HERC1: variants seen among roughly 807,000 people sequenced by gnomAD.
HERC1 encodes HECT and RLD domain containing E3 ubiquitin protein ligase family member 1, also known as probable E3 ubiquitin-protein ligase HERC1.
Under a neutral mutation model 554.3 loss-of-function variants are expected in HERC1, and 160 were observed. The ratio of observed to expected loss-of-function variants is 0.29; its 90% confidence interval spans 0.25 to 0.33. The LOEUF (loss-of-function observed/expected upper bound fraction) is 0.33, where lower values mean the gene tolerates loss of function less well. HERC1 is among the 10% of genes least tolerant of loss of function. The pLI, the probability that HERC1 is intolerant of heterozygous loss-of-function variation, is 1.00. For missense variants in HERC1, 4,919 were observed against 5,918.5 expected, an observed-to-expected ratio of 0.83 and a Z score of 5.54; for synonymous variants, 2,175 against 2,131.7, an observed-to-expected ratio of 1.02 and a Z score of -0.56.
rs540803651 is a variant in HERC1 at position 63,670,242 on chromosome 15, G to A, written c.8046-544C>T. On this transcript the variant is annotated intron_variant, in intron 39 of 77. Coordinates refer to ENST00000443617, the MANE Select transcript of HERC1 (RefSeq NM_003922.4). Reference sequence around the variant, plus strand: ...TGAATGATATGTCAGCGGCACAGTCGGGGAAAGGTACGGGGAGGCAGCCCC... The same window carrying A: ...TGAATGATATGTCAGCGGCACAGTCAGGGAAAGGTACGGGGAGGCAGCCCC... Among the ~76,000 whole-genome samples, 188 of 152,272 alleles carry A rather than the reference G, an allele frequency of 1.2e-3. 1 individual carries two copies. Among genetic ancestry groups the A allele is most frequent in the African/African-American group, 4.4e-3 (183 of 41,542 alleles).
Position 63,729,331 on chromosome 15 carries a change from T to G in HERC1, c.3059A>C (p.Gln1020Pro), listed in dbSNP as rs1387411960. Residue 1020 changes from glutamine (Q) to proline (P), a missense_variant, in exon 16 of 78, where the codon CAG becomes CCG. Gln to Pro is a moderately conservative substitution (Grantham distance 76, BLOSUM62 -1). Around this residue, in one of 11 missense-constraint regions of HERC1, gnomAD observed 1,121 missense variants for 1,244.0 expected, o/e 0.90. Coordinates refer to ENST00000443617, the MANE Select transcript of HERC1 (RefSeq NM_003922.4). ...ATCTGTGGCATGAGGCAACAAAAGC[T>G]GAAGATGTTTATGAAGCAATGCCAC... Reference protein sequence around the residue: ...SSVALLHKHLQLLLPHATDIY... With the variant: ...SSVALLHKHLPLLLPHATDIY... 8 of 1,610,618 alleles carry G rather than the reference T, an allele frequency of 5.0e-6. No individual in the cohort carries two copies. In the East Asian group the frequency reaches 1.6e-4, roughly 31 times the overall value.
At chr15:63,704,769 C>T (rs1383477146) in intron 25 of HERC1, among the ~76,000 whole-genome samples, 2 of 136,238 alleles carry the variant, frequency 1.5e-5, no homozygotes, top group South Asian at 2.3e-4. Flanking sequence ...GATGGAGTCT[C>T]GCTCTGTCGC....
intron 1 of HERC1, among the ~76,000 whole-genome samples, chr15:63,829,246 T>C (rs2146068550): frequency 6.6e-6 from 1 of 151,514 alleles, no homozygotes; most frequent in East Asian, 1.9e-4. Flanking sequence ...CAGCAGGACC[T>C]CGTCTCTACT....
intron 1 of HERC1, among the ~76,000 whole-genome samples, chr15:63,786,917 A>ATTTTTTTTTT (rs1378851561): frequency 7.9e-6 from 1 of 126,978 alleles, no homozygotes. Context: ...TCAATAAATT[A>ATTTTTTTTTT]TTATTTTTTT....
chr15:63,797,496 C>T (rs1285837360), intron 1 of HERC1, among the ~76,000 whole-genome samples: 3 of 152,140 alleles, frequency 2.0e-5, no homozygotes, highest in Non-Finnish European at 4.4e-5. Flanking sequence ...CAGAGGCAGA[C>T]TCATCACACC....
At chr15:63,637,377 G>GC in intron 64 of HERC1, 128 bp downstream of exon 64, 1 of 764,100 alleles carries the variant, frequency 1.3e-6, no homozygotes, top group South Asian at 1.9e-5. Flanking sequence ...CCTAAATAAG[G>GC]ATTTAAATGT....
intron 12 of HERC1, among the ~76,000 whole-genome samples, chr15:63,737,377 TATATATATATATCGTTTTTCCAG>T (rs2074557224): frequency 8.0e-6 from 1 of 124,448 alleles, no homozygotes; most frequent in African/African-American, 3.1e-5. Flanking sequence ...TTTCCAGATA[TATATATATATATCGTTTTTCCAG>T]ATATATATAT....
Position 63,645,108 on chromosome 15 carries a change from T to C in HERC1, c.11079-11A>G, listed in dbSNP as rs556903539. ...CCACTCTGACAGCCACTTAAAAAAA[T>C]TGATCACATAAAACCAAAACATGTC... On this transcript the variant is annotated splice_polypyrimidine_tract_variant and intron_variant, in intron 56 of 77. Transcript: ENST00000443617. The C allele has an allele frequency of 3.1e-6, 5 of 1,609,112 alleles. No homozygotes were observed. Among genetic ancestry groups the C allele is most frequent in the Non-Finnish European group, 3.4e-6 (4 of 1,175,708 alleles).
chr15:63,675,069 T>C lies in HERC1; in HGVS notation c.7119A>G (p.Glu2373=). Residue 2373 remains glutamate (E), a synonymous_variant, in exon 38 of 78, where the codon GAA becomes GAG. Coordinates refer to ENST00000443617, the MANE Select transcript of HERC1 (RefSeq NM_003922.4). The stretch of plus-strand genomic sequence containing the variant: ...CATCAAACGGCAATGGTTCACAGGG[T>C]TCCAGATTATACAATGGAGTATCAC... The part of the protein sequence containing the change: ...SPSDTPLYNL[E]PCEPLPFDVA... 1 of 1,613,668 alleles carries C rather than the reference T, an allele frequency of 6.2e-7. No individual in the cohort carries two copies. The highest frequency in any genetic ancestry group is 8.5e-7 in the Non-Finnish European group (1 of 1,179,678).
intron 71 of HERC1, 101 bp from the exon 72 acceptor site, chr15:63,624,428 G>T: frequency 1.9e-6 from 2 of 1,072,712 alleles, no homozygotes; most frequent in South Asian, 1.6e-5. Flanking sequence ...TGGGCGCAGT[G>T]GCTCATGCCT....
chr15:63,634,998 G>T, intron 65 of HERC1, 110 bp from the exon 66 acceptor site: 1 of 717,404 alleles, frequency 1.4e-6, no homozygotes, highest in Non-Finnish European at 2.2e-6. Flanking sequence ...AAACTTCACT[G>T]AAAACTGGAT....
intron 71 of HERC1, among the ~76,000 whole-genome samples, chr15:63,625,342 C>T (rs926219133): frequency 2.0e-5 from 3 of 152,184 alleles, no homozygotes; most frequent in African/African-American, 7.2e-5. Context: ...TGTGTGCTTA[C>T]ATTTTAAAAT....
At chr15:63,786,948 G>A (rs1022635353) in intron 1 of HERC1, among the ~76,000 whole-genome samples, 3 of 146,626 alleles carry the variant, frequency 2.0e-5, no homozygotes, top group African/African-American at 7.6e-5. Flanking sequence ...TTTTGAGACG[G>A]AGTTTCACTC....
chr15:63,820,786 A>T (rs977954881), intron 1 of HERC1, among the ~76,000 whole-genome samples: 1 of 152,110 alleles, frequency 6.6e-6, no homozygotes, highest in Non-Finnish European at 1.5e-5. Flanking sequence ...CCAAGTAGCT[A>T]GGACTATAGG....
intron 1 of HERC1, among the ~76,000 whole-genome samples, chr15:63,830,058 A>G (rs1191208342): frequency 6.6e-6 from 1 of 152,196 alleles, no homozygotes; most frequent in African/African-American, 2.4e-5. Context: ...GCCAAACACC[A>G]CAGTAATAAC....
At chr15:63,673,382 A>G (rs952029101) in intron 38 of HERC1, among the ~76,000 whole-genome samples, 2 of 152,116 alleles carry the variant, frequency 1.3e-5, no homozygotes, top group South Asian at 2.1e-4. Flanking sequence ...CTCTCTCTCT[A>G]TTTACTGTCC....
In HERC1 at chr15:63,738,996, A is replaced by T. The variant is rs78517126; in HGVS notation, c.2521-4147T>A. Among the ~76,000 whole-genome samples, 13 of 151,772 alleles carry T rather than the reference A, an allele frequency of 8.6e-5. No homozygotes were observed. In the East Asian group the frequency reaches 2.5e-3, roughly 29 times the overall value. On this transcript the variant is annotated intron_variant, in intron 12 of 77. Coordinates refer to ENST00000443617, the MANE Select transcript of HERC1 (RefSeq NM_003922.4). ...AAGTCAGTTTATTTTTTTTTTTTCA[A>T]ATTGACATATAATCCACATGCCACA...
intron 27 of HERC1, among the ~76,000 whole-genome samples, chr15:63,695,877 T>A (rs191463634): frequency 1.3e-5 from 2 of 152,130 alleles, no homozygotes; most frequent in African/African-American, 2.4e-5. Context: ...TCTATTCCCA[T>A]CCAAACTGGA....
At chr15:63,798,727 A>G (rs1195600019) in intron 1 of HERC1, among the ~76,000 whole-genome samples, 1 of 152,196 alleles carries the variant, frequency 6.6e-6, no homozygotes, top group East Asian at 1.9e-4. Flanking sequence ...ATTCTCTGCC[A>G]TACAACCTAG....
Sources: gnomAD v4.1 joint callset for allele counts (sites outside exome capture counted in the v4.1 genomes callset) on GRCh38, gnomAD v4.1.1 for gene constraint, gnomAD v4.1.1 regional missense constraint, MANE v1.5 for transcripts, NCBI Gene and HGNC (gene_info 2026-07-23, HGNC 2026-07-21) for gene names.